The following PLXDC2 variants were observed in gnomAD, a reference collection of about 807,000 sequenced individuals.
The protein encoded by PLXDC2 is plexin domain containing 2, also known as plexin domain-containing protein 2.
In PLXDC2, 40 loss-of-function variants were observed where a neutral mutation model predicts 68.9. That is an observed-to-expected ratio of 0.58 (90% CI 0.45 to 0.76). PLXDC2 has a LOEUF of 0.76. Ranked by LOEUF, PLXDC2 falls within the 30% of genes least tolerant of loss-of-function variation. PLXDC2 has a pLI of 0.00. For synonymous variants in PLXDC2, 243 were observed against 234.2 expected (o/e 1.04, Z -0.34); for missense variants, 644 against 661.9 (o/e 0.97, Z 0.30).
At chr10:20,252,719 A>G (rs1835694127) in intron 13 of PLXDC2, among the ~76,000 whole-genome samples, 1 of 152,220 alleles carries the variant, frequency 6.6e-6, no homozygotes, top group African/African-American at 2.4e-5. Context: ...AACAAAATGA[A>G]CAAGATCATC....
intron 13 of PLXDC2, among the ~76,000 whole-genome samples, chr10:20,272,047 A>C (rs372324791): frequency 6.6e-6 from 1 of 152,176 alleles, no homozygotes; most frequent in African/African-American, 2.4e-5. Flanking sequence ...TTTGAACAAC[A>C]AAGTGGCCAA....
At chr10:20,090,401 G>A (rs1266427128) in intron 4 of PLXDC2, among the ~76,000 whole-genome samples, 1 of 152,108 alleles carries the variant, frequency 6.6e-6, no homozygotes, top group African/African-American at 2.4e-5. Context: ...TGGCCCTGGT[G>A]GTGAGAACAG....
intron 4 of PLXDC2, among the ~76,000 whole-genome samples, chr10:20,131,556 T>G (rs563703762): frequency 6.6e-6 from 1 of 152,068 alleles, no homozygotes; most frequent in Non-Finnish European, 1.5e-5. Flanking sequence ...CATGCCACCA[T>G]GCCCAGCTAA....
rs141829937 is a variant in PLXDC2, at chr10:20,259,121, C to G, written c.1473+13616C>G. ...AGCTTCTTACCATGATTCTTTATCT[C>G]TTATTGATCTCCAAGTTAAAAAATA... On this transcript the variant is annotated intron_variant, in intron 13 of 13. Coordinates refer to ENST00000377252, the MANE Select transcript of PLXDC2 (RefSeq NM_032812.9). Among the ~76,000 whole-genome samples, 931 of 152,158 alleles carry G rather than the reference C, an allele frequency of 6.1e-3. 11 individuals are homozygous for G. Among genetic ancestry groups the G allele is most frequent in the African/African-American group, 0.021 (875 of 41,546 alleles).
At chr10:19,912,297 TTA>T (rs1481538203) in intron 1 of PLXDC2, among the ~76,000 whole-genome samples, 1 of 152,212 alleles carries the variant, frequency 6.6e-6, no homozygotes, top group African/African-American at 2.4e-5. Context: ...ATGCAGACTT[TTA>T]TAAGCTTATC....
intron 2 of PLXDC2, among the ~76,000 whole-genome samples, chr10:20,015,229 A>C (rs1322675553): frequency 6.6e-6 from 1 of 152,208 alleles, no homozygotes; most frequent in African/African-American, 2.4e-5. Flanking sequence ...TTAGGAACTC[A>C]AGAACTTGGC....
At chr10:20,266,286 G>A (rs1050655958) in intron 13 of PLXDC2, among the ~76,000 whole-genome samples, 3 of 150,588 alleles carry the variant, frequency 2.0e-5, no homozygotes, top group African/African-American at 7.4e-5. Flanking sequence ...TTTGAGCAAA[G>A]TAAAATCAAA....
rs79075866 is a variant in PLXDC2 at position 19,848,541 on chromosome 10, G to A, written c.112+31350G>A. Among the ~76,000 whole-genome samples, 563 of 152,252 alleles carry A rather than the reference G, an allele frequency of 3.7e-3. 8 individuals carry two copies. The highest frequency in any genetic ancestry group is 0.013 in the African/African-American group (544 of 41,566). On this transcript the variant is annotated intron_variant, in intron 1 of 13. Transcript: ENST00000377252. ...GCGAATACAAATCCAGGTTAGGTGA[G>A]GGAGGGAACCACCTGAAGCATTGGA...
rs1836071044 is a variant in PLXDC2 at position 20,280,734 on chromosome 10, A to G, written c.*915A>G. Reference sequence around the variant, plus strand: ...TAATCATTTTTGAAACAAAAATGTTAAGGGATTTTAAACATATGATTATTT... The same window carrying G: ...TAATCATTTTTGAAACAAAAATGTTGAGGGATTTTAAACATATGATTATTT... On this transcript the variant is annotated 3_prime_UTR_variant, in exon 14 of 14. Coordinates refer to ENST00000377252, the MANE Select transcript of PLXDC2 (RefSeq NM_032812.9). 1 of 152,138 alleles carries G rather than the reference A, an allele frequency of 6.6e-6. No individual in the cohort carries two copies. Among genetic ancestry groups the G allele is most frequent in the African/African-American group, 2.4e-5 (1 of 41,436 alleles). The allele number at this position is 152,138 out of a possible 1,614,324, so 9.4% of individuals were successfully genotyped here.
chr10:19,986,919 C>A (rs1176823695), intron 1 of PLXDC2, among the ~76,000 whole-genome samples: 1 of 152,170 alleles, frequency 6.6e-6, no homozygotes, highest in Non-Finnish European at 1.5e-5. Context: ...ATAGTGATTT[C>A]TGTGCATGAA....
At chr10:20,140,247 A>C (rs1448147971) in intron 4 of PLXDC2, among the ~76,000 whole-genome samples, 1 of 152,002 alleles carries the variant, frequency 6.6e-6, no homozygotes, top group Non-Finnish European at 1.5e-5. Context: ...TGCAGTGAGC[A>C]GAGATCGCGC....
chr10:20,119,697 T>C (rs1342358072), intron 4 of PLXDC2, among the ~76,000 whole-genome samples: 1 of 151,874 alleles, frequency 6.6e-6, no homozygotes, highest in Non-Finnish European at 1.5e-5. Context: ...GGAGAGATAA[T>C]GGGCGATGTT....
Position 19,955,341 on chromosome 10 carries a change from G to A in PLXDC2, c.113-46434G>A, listed in dbSNP as rs575715489. 3.3e-5 allele frequency among the ~76,000 whole-genome samples: 5 copies of A among 151,620 alleles called. No homozygotes were observed. The East Asian group carries it at 5.8e-4, about 18-fold the overall frequency. ...AGCCACTGCACCCAGCCTCTTTCCTGGATTTTGTACCAAACTGAACTATGT... is the reference window on the plus strand; with the variant it reads ...AGCCACTGCACCCAGCCTCTTTCCTAGATTTTGTACCAAACTGAACTATGT... On this transcript the variant is annotated intron_variant, in intron 1 of 13. Coordinates refer to ENST00000377252, the MANE Select transcript of PLXDC2 (RefSeq NM_032812.9).
chr10:20,031,501 T>G (rs996721767), intron 2 of PLXDC2, among the ~76,000 whole-genome samples: 1 of 152,178 alleles, frequency 6.6e-6, no homozygotes, highest in African/African-American at 2.4e-5. Flanking sequence ...CCATTCTCTA[T>G]TACAAAAAGT....
Position 20,093,700 on chromosome 10 carries a change from G to T in PLXDC2, c.541+25461G>T, listed in dbSNP as rs541893909. ...TATTTATTTATTTACTTGAGACAGG[G>T]TCTCACTTCATTGCCCAGGCTGTAG... On this transcript the variant is annotated intron_variant, in intron 4 of 13. Transcript: ENST00000377252. 2.6e-5 allele frequency among the ~76,000 whole-genome samples: 4 copies of T among 152,248 alleles called. No homozygotes were observed. In the South Asian group the frequency reaches 6.2e-4, roughly 24 times the overall value.
intron 1 of PLXDC2, among the ~76,000 whole-genome samples, chr10:19,928,822 T>G (rs1833582041): frequency 6.7e-6 from 1 of 150,188 alleles, no homozygotes; most frequent in Admixed American, 6.7e-5. Context: ...TGGCCCAATC[T>G]TGGCTCACTG....
chr10:20,070,843 G>A (rs947343484), intron 4 of PLXDC2: 24 of 152,048 alleles, frequency 1.6e-4, no homozygotes, highest in Non-Finnish European at 2.2e-4. Flanking sequence ...TAAAACTCAT[G>A]TCAGCAATTC....
At chr10:20,108,346 T>C (rs1211283691) in intron 4 of PLXDC2, among the ~76,000 whole-genome samples, 2 of 152,158 alleles carry the variant, frequency 1.3e-5, no homozygotes, top group East Asian at 3.8e-4. Flanking sequence ...TACATTATAT[T>C]AAAAACTCTA....
chr10:19,975,413 G>C (rs972203933), intron 1 of PLXDC2, among the ~76,000 whole-genome samples: 41 of 152,034 alleles, frequency 2.7e-4, no homozygotes, highest in Non-Finnish European at 4.0e-4. Context: ...AGCAGAGATC[G>C]CGCCTCTGCC....
Sources: gnomAD v4.1 joint callset for allele counts (sites outside exome capture counted in the v4.1 genomes callset) on GRCh38, gnomAD v4.1.1 for gene constraint, MANE v1.5 for transcripts, NCBI Gene and HGNC (gene_info 2026-07-23, HGNC 2026-07-21) for gene names.